SNTG1: variants seen among roughly 807,000 people sequenced by gnomAD.
SNTG1 encodes syntrophin gamma 1.
A neutral mutation model predicts 74.7 loss-of-function variants in SNTG1; 39 were observed. The ratio of observed to expected loss-of-function variants is 0.52; its 90% CI spans 0.40 to 0.68. The LOEUF (loss-of-function observed/expected upper bound fraction) is 0.68, where lower values mean the gene tolerates loss of function less well. Among genes scored for constraint, SNTG1 ranks in the 30% least tolerant of loss-of-function variants. SNTG1 has a pLI of 0.00. For synonymous variants in SNTG1, 254 were observed against 217.1 expected (o/e 1.17, Z -1.49); for missense variants, 685 against 609.5 (o/e 1.12, Z -1.30).
intron 12 of SNTG1, among the ~76,000 whole-genome samples, chr8:50,562,442 G>A (rs2094493875): frequency 6.6e-6 from 1 of 152,204 alleles, no homozygotes; most frequent in Non-Finnish European, 1.5e-5. Context: ...AGATGGAGAA[G>A]GGAATGCAAT....
At chr8:50,050,709 T>C (rs997770313) in intron 1 of SNTG1, among the ~76,000 whole-genome samples, 1 of 151,958 alleles carries the variant, frequency 6.6e-6, no homozygotes, top group Non-Finnish European at 1.5e-5. Context: ...TACCTTGCTA[T>C]AAAAACCAGG....
At chr8:50,308,045 A>C (rs2089969996) in intron 2 of SNTG1, among the ~76,000 whole-genome samples, 1 of 151,772 alleles carries the variant, frequency 6.6e-6, no homozygotes, top group Non-Finnish European at 1.5e-5. Flanking sequence ...GTTCTGAAGA[A>C]AGCTTTGACT....
At chr8:50,283,943 C>T (rs1311583884) in intron 2 of SNTG1, among the ~76,000 whole-genome samples, 1 of 152,102 alleles carries the variant, frequency 6.6e-6, no homozygotes, top group Non-Finnish European at 1.5e-5. Context: ...ATATGGTGCA[C>T]TTGTTAAAAT....
At chr8:50,225,094 C>T (rs1286240097) in intron 2 of SNTG1, among the ~76,000 whole-genome samples, 5 of 152,132 alleles carry the variant, frequency 3.3e-5, no homozygotes, top group Admixed American at 3.3e-4. Context: ...CCTCAGCCTC[C>T]TGAGTAGCTG....
intron 1 of SNTG1, among the ~76,000 whole-genome samples, chr8:50,086,239 G>C (rs1175137799): frequency 6.6e-6 from 1 of 152,150 alleles, no homozygotes; most frequent in Non-Finnish European, 1.5e-5. Context: ...TTCCCTACAT[G>C]ACTGTTAGGC....
chr8:50,207,971 G>A (rs2084326798), intron 2 of SNTG1, among the ~76,000 whole-genome samples: 1 of 152,184 alleles, frequency 6.6e-6, no homozygotes. Context: ...TTGATGAGGA[G>A]TGCTTTACTT....
At chr8:50,296,815 A>C (rs2089401223) in intron 2 of SNTG1, among the ~76,000 whole-genome samples, 2 of 151,070 alleles carry the variant, frequency 1.3e-5, no homozygotes, top group Admixed American at 6.6e-5. Context: ...AAGAAAAAGC[A>C]AAACGAAAAC....
intron 13 of SNTG1, among the ~76,000 whole-genome samples, chr8:50,629,540 A>G (rs1013779742): frequency 1.3e-5 from 2 of 152,030 alleles, no homozygotes; most frequent in Admixed American, 6.6e-5. Flanking sequence ...TTCTGTTAAG[A>G]TACATGGTGT....
At chr8:50,730,722 T>A (rs1202280126) in intron 17 of SNTG1, among the ~76,000 whole-genome samples, 15 of 152,198 alleles carry the variant, frequency 9.9e-5, no homozygotes, top group Admixed American at 9.8e-4. Context: ...GAAAGATCCA[T>A]CATAAAATAT....
At chr8:50,324,383 C>T (rs958643170) in intron 2 of SNTG1, among the ~76,000 whole-genome samples, 10 of 152,182 alleles carry the variant, frequency 6.6e-5, no homozygotes, top group African/African-American at 9.7e-5. Context: ...ACTGTCTCTT[C>T]GGCCCTCCTC....
intron 1 of SNTG1, among the ~76,000 whole-genome samples, chr8:49,925,959 A>G (rs746491198): frequency 6.6e-6 from 1 of 152,172 alleles, no homozygotes; most frequent in Non-Finnish European, 1.5e-5. Flanking sequence ...ACACTTGATC[A>G]CTTAATAGGA....
At chr8:50,238,243 A>T (rs893275228) in intron 2 of SNTG1, among the ~76,000 whole-genome samples, 7 of 152,176 alleles carry the variant, frequency 4.6e-5, no homozygotes, top group African/African-American at 1.4e-4. Context: ...TTATAACTAT[A>T]CTACAAGGCT....
chr8:50,189,903 T>C (rs1178009304), intron 2 of SNTG1, among the ~76,000 whole-genome samples: 1 of 152,204 alleles, frequency 6.6e-6, no homozygotes, highest in East Asian at 1.9e-4. Flanking sequence ...TAAATTCTAA[T>C]CTAAGTTAAA....
intron 1 of SNTG1, among the ~76,000 whole-genome samples, chr8:50,166,892 A>T (rs2082632747): frequency 1.3e-5 from 2 of 151,390 alleles, no homozygotes; most frequent in South Asian, 4.2e-4. Context: ...ACATTGATAG[A>T]CTGGATTAAG....
rs1161724778 is a variant in SNTG1, at chr8:50,517,616, CAAAAAAAAA to C, written c.467-12547_467-12539del. ...GAATATTTACCAAGCAAATGGAAAGCAAAAAAAAAAAAAAAAAAAAAATAGCAGGGGTTG... is the reference window on the plus strand; with the variant it reads ...GAATATTTACCAAGCAAATGGAAAGCAAAAAAAAAAAAATAGCAGGGGTTG... On this transcript the variant is annotated intron_variant, in intron 9 of 18. Coordinates refer to ENST00000642720, the MANE Select transcript of SNTG1 (RefSeq NM_018967.5). Among the ~76,000 whole-genome samples the C allele has an allele frequency of 8.0e-5, 5 of 62,354 alleles. 1 individual carries two copies. The highest frequency in any genetic ancestry group is 1.4e-3 in the South Asian group (2 of 1,404). The allele number at this position is 62,354 out of a possible 152,430, so 40.9% of individuals were successfully genotyped here.
chr8:50,689,053 CTGTT>C (rs1254375126), intron 15 of SNTG1, among the ~76,000 whole-genome samples: 5 of 138,670 alleles, frequency 3.6e-5, no homozygotes, highest in Admixed American at 3.0e-4. Context: ...ATTTGGCTCT[CTGTT>C]TGTCTGTTAT....
chr8:49,993,187 C>T (rs778755659), intron 1 of SNTG1, among the ~76,000 whole-genome samples: 13 of 152,068 alleles, frequency 8.5e-5, no homozygotes, highest in Admixed American at 2.0e-4. Context: ...ATTTTTCCCA[C>T]CACATGCATG....
intron 5 of SNTG1, among the ~76,000 whole-genome samples, chr8:50,448,494 C>T (rs111693895): frequency 6.6e-6 from 1 of 152,212 alleles, no homozygotes; most frequent in African/African-American, 2.4e-5. Flanking sequence ...GATAGAACAA[C>T]CTCAATGGAA....
intron 13 of SNTG1, among the ~76,000 whole-genome samples, chr8:50,610,678 T>C (rs1229248048): frequency 6.6e-6 from 1 of 152,156 alleles, no homozygotes; most frequent in Non-Finnish European, 1.5e-5. Flanking sequence ...ATCAAAGTTG[T>C]TGGGTTTCGT....
Sources: allele counts gnomAD v4.1 joint callset (sites outside exome capture counted in the v4.1 genomes callset), GRCh38; gene constraint gnomAD v4.1.1; transcripts MANE v1.5; gene names NCBI Gene and HGNC (gene_info 2026-07-23, HGNC 2026-07-21).